TMEM63A: variants seen among roughly 807,000 people sequenced by gnomAD.
TMEM63A encodes mechanosensitive cation channel TMEM63A.
Under a neutral mutation model 100.6 loss-of-function variants are expected in TMEM63A, and 76 were observed. The observed-to-expected ratio is 0.76, with a 90% CI of 0.63 to 0.91. The LOEUF (loss-of-function observed/expected upper bound fraction) is 0.91, where lower values mean the gene tolerates loss of function less well. TMEM63A is among the 40% of genes least tolerant of loss of function. The pLI, the probability that TMEM63A is intolerant of heterozygous loss-of-function variation, is 0.00. For synonymous variants in TMEM63A, 401 were observed against 401.1 expected, an observed-to-expected ratio of 1.00 and a Z score of 0.00; for missense variants, 876 against 1,008.8, an observed-to-expected ratio of 0.87 and a Z score of 1.78.
At chr1:225,849,500 T>C (rs973463200) in intron 21 of TMEM63A, among the ~76,000 whole-genome samples, 1 of 152,206 alleles carries the variant, frequency 6.6e-6, no homozygotes, top group African/African-American at 2.4e-5. Flanking sequence ...CTGGATCAGC[T>C]TCCCCATTTC....
chr1:225,876,003 T>G (rs181638923), intron 3 of TMEM63A, among the ~76,000 whole-genome samples: 76 of 127,732 alleles, frequency 5.9e-4, no homozygotes, highest in African/African-American at 2.3e-3. Flanking sequence ...GAGGAGGAAG[T>G]CGCAGTGAAT....
chr1:225,875,580 T>C (rs1240947461), intron 3 of TMEM63A, among the ~76,000 whole-genome samples: 1 of 152,192 alleles, frequency 6.6e-6, no homozygotes. Context: ...TGGTGACATA[T>C]TTTCAAAGGC....
At chr1:225,844,708 G>T, downstream of TMEM63A, 2 of 1,583,810 alleles carry the variant, frequency 1.3e-6, no homozygotes, top group Non-Finnish European at 1.7e-6. Context: ...AGGGCACTTG[G>T]TGGTGGGATA....
intron 20 of TMEM63A, among the ~76,000 whole-genome samples, chr1:225,850,694 C>T (rs1669283402): frequency 6.6e-6 from 1 of 152,134 alleles, no homozygotes; most frequent in Admixed American, 6.5e-5. Flanking sequence ...CACTGACAGG[C>T]AAAATATCTG....
intron 6 of TMEM63A, among the ~76,000 whole-genome samples, chr1:225,869,128 C>T (rs571324179): frequency 1.3e-5 from 2 of 152,182 alleles, no homozygotes; most frequent in Admixed American, 6.5e-5. Flanking sequence ...TGTAATCCAG[C>T]GCAGCGGCCT....
At chr1:225,850,698 A>G (rs1428074125) in intron 20 of TMEM63A, among the ~76,000 whole-genome samples, 2 of 152,100 alleles carry the variant, frequency 1.3e-5, no homozygotes, top group Admixed American at 1.3e-4. Context: ...GACAGGCAAA[A>G]TATCTGTCAG....
Position 225,877,582 on chromosome 1 carries a change from G to A in TMEM63A, c.-2C>T, listed in dbSNP as rs549283601. ...CTCCAGGAACGGGGAGTCCATCATC[G>A]CGCCTGTCTTCCCTGGAGCACAGGA... On this transcript the variant is annotated 5_prime_UTR_variant, in exon 3 of 25. Coordinates refer to ENST00000366835, the MANE Select transcript of TMEM63A (RefSeq NM_014698.3). 17 of 1,612,124 alleles carry A rather than the reference G, an allele frequency of 1.1e-5. No homozygotes were observed. Among genetic ancestry groups the A allele is most frequent in the African/African-American group, 9.3e-5 (7 of 75,016 alleles).
intron 15 of TMEM63A, among the ~76,000 whole-genome samples, chr1:225,857,813 A>T (rs1669720396): frequency 6.6e-6 from 1 of 152,240 alleles, no homozygotes. Context: ...TCTCATCAGC[A>T]GATCCATCTT....
At chr1:225,881,674 A>C (rs957301474) in intron 1 of TMEM63A, among the ~76,000 whole-genome samples, 1 of 152,140 alleles carries the variant, frequency 6.6e-6, no homozygotes, top group East Asian at 1.9e-4. Flanking sequence ...TGAAGAGGAC[A>C]CCACCTGCCT....
chr1:225,864,664 A>G (rs1282954100), intron 10 of TMEM63A: 2 of 152,244 alleles, frequency 1.3e-5, no homozygotes, highest in African/African-American at 4.8e-5. Flanking sequence ...AAATATTTCT[A>G]AAATACTTAG....
rs1670285479 is a variant in TMEM63A, at chr1:225,867,756, G to A, written c.514+132C>T. ...CTTTAATCAGATAGAAATGTTCAGA[G>A]TCACCCTGAGACCATCTTACATCTG... On this transcript the variant is annotated intron_variant, in intron 7 of 24. Transcript: ENST00000366835. The surrounding 1 kb of genome is among the most constrained non-coding windows in gnomAD (Gnocchi z 4.6). 2.4e-6 allele frequency: 3 copies of A among 1,249,894 alleles called. No homozygotes were observed. The highest frequency in any genetic ancestry group is 1.6e-5 in the South Asian group (1 of 63,946). 77.4% of individuals were successfully genotyped at this position (1,249,894 alleles called of 1,614,324 possible).
chr1:225,877,625 C>T (rs369147173), intron 2 of TMEM63A, 31 bp from the exon 3 acceptor site: 29 of 1,567,254 alleles, frequency 1.9e-5, no homozygotes, highest in Middle Eastern at 1.8e-4. Flanking sequence ...ACAAGGCAGA[C>T]GTTCAGGGCT....
intron 20 of TMEM63A, among the ~76,000 whole-genome samples, 154 bp downstream of exon 20, chr1:225,852,510 T>G (rs1398364227): frequency 6.6e-6 from 1 of 151,914 alleles, no homozygotes; most frequent in African/African-American, 2.4e-5. Context: ...ATGAGTGAAA[T>G]CTGGTGTCAC....
intron 1 of TMEM63A, among the ~76,000 whole-genome samples, chr1:225,879,753 C>T (rs1027404665): frequency 1.3e-5 from 2 of 152,166 alleles, no homozygotes; most frequent in African/African-American, 4.8e-5. Context: ...ACGGTAGGGC[C>T]CCAAGCAAAG....
At position 225,862,676 on chromosome 1, in the gene TMEM63A, G is replaced by A. The variant is rs1300055460; in HGVS notation, c.827+95C>T. 3 of 1,604,026 alleles carry A rather than the reference G, an allele frequency of 1.9e-6. No homozygotes were observed. In the African/African-American group the frequency reaches 4.0e-5, roughly 21 times the overall value. On this transcript the variant is annotated intron_variant, in intron 11 of 24. Coordinates refer to ENST00000366835, the MANE Select transcript of TMEM63A (RefSeq NM_014698.3). This position sits in a 1 kb window ranked among gnomAD's most constrained non-coding sequence, Gnocchi z 5.1. ...CAACCATCGAACGCCAGGGGAGAAGGAGGGGTCCAGGGCCTCCCGCCTCCC... is the reference window on the plus strand; with the variant it reads ...CAACCATCGAACGCCAGGGGAGAAGAAGGGGTCCAGGGCCTCCCGCCTCCC...
At position 225,860,926 on chromosome 1, in the gene TMEM63A, T is replaced by C. The variant is rs1187885391; in HGVS notation, c.1157A>G (p.His386Arg). The C allele has an allele frequency of 6.2e-7, 1 of 1,613,038 alleles. No homozygotes were observed. Among genetic ancestry groups the C allele is most frequent in the East Asian group, 2.2e-5 (1 of 44,776 alleles). The change falls in exon 14 of 25, where the codon CAT (histidine) becomes CGT (arginine). Residue 386 changes from histidine to arginine, a missense_variant. Physicochemically the swap from His to Arg is conservative, Grantham distance 29. Coordinates refer to ENST00000366835, the MANE Select transcript of TMEM63A (RefSeq NM_014698.3). The part of the protein sequence containing the change: ...QCKGEPQPSS[H>R]SRELYTSKWT... ...CTTGGAGGTATAGAGCTCCCTGCTA[T>C]GGGAGGACGGCTGGGGCTCACCTTT...
chr1:225,865,455 T>TGGACAAAC lies in TMEM63A; in HGVS notation c.746+434_746+441dup, dbSNP rs1210636743. On this transcript the variant is annotated intron_variant, in intron 10 of 24. Transcript: ENST00000366835. This position sits in a 1 kb window ranked among gnomAD's most constrained non-coding sequence, Gnocchi z 4.6. ...ACTCAACAGACACCCGCTCAGTGGG[T>TGGACAAAC]GGACAAACGAACAAACGCAGAGATG... The TGGACAAAC allele has an allele frequency of 1.3e-5, 2 of 159,908 alleles. No individual in the cohort carries two copies. The highest frequency in any genetic ancestry group is 1.2e-4 in the Admixed American group (2 of 16,524). 9.9% of individuals were successfully genotyped at this position (159,908 alleles called of 1,614,324 possible).
intron 18 of TMEM63A, 118 bp downstream of exon 18, chr1:225,855,760 A>G: frequency 3.0e-6 from 3 of 990,354 alleles, no homozygotes; most frequent in Non-Finnish European, 4.5e-6. Context: ...TCTGGGGAGG[A>G]AGATGCCTGT....
chr1:225,859,047 G>T, intron 15 of TMEM63A, 149 bp downstream of exon 15: 1 of 1,090,504 alleles, frequency 9.2e-7, no homozygotes. Context: ...GCCTGCTCAG[G>T]GCTTAAAAGC....
Sources: gnomAD v4.1 joint callset for allele counts (sites outside exome capture counted in the v4.1 genomes callset) on GRCh38, gnomAD v4.1.1 for gene constraint, Gnocchi (gnomAD v3.1) non-coding constraint, MANE v1.5 for transcripts, NCBI Gene and HGNC (gene_info 2026-07-23, HGNC 2026-07-21) for gene names.